Variants in LAMA1 observed in about 807,000 individuals in gnomAD.
The protein encoded by LAMA1 is laminin subunit alpha 1.
In LAMA1, 219 loss-of-function variants were observed where a neutral mutation model predicts 348.7. The ratio of observed to expected loss-of-function variants is 0.63; its 90% CI spans 0.56 to 0.70. The LOEUF is 0.70. LAMA1 is among the 30% of genes least tolerant of loss of function. The pLI is 0.00. For missense variants in LAMA1, 3,744 were observed against 3,888.0 expected (o/e 0.96, Z 0.99); for synonymous variants, 1,487 against 1,491.0 (o/e 1.00, Z 0.06).
chr18:7,042,123 C>T, intron 9 of LAMA1, 22 bp downstream of exon 9: 1 of 1,523,388 alleles, frequency 6.6e-7, no homozygotes, highest in Non-Finnish European at 9.1e-7. Flanking sequence ...ATTACAAGCA[C>T]AAAAGTGAAT....
In LAMA1 at chr18:7,038,953, G is replaced by T. The variant is rs767089378; in HGVS notation, c.1423-3C>A. ...CAGGCCTTCCCCTCAACGTTTTCCT[G>T]TAAGTTAGGGTAAAAGATTAGCTTT... On this transcript the variant is annotated splice_polypyrimidine_tract_variant and splice_region_variant and intron_variant, in intron 10 of 62. Coordinates refer to ENST00000389658, the MANE Select transcript of LAMA1 (RefSeq NM_005559.4). 1 of 1,611,242 alleles carries T rather than the reference G, an allele frequency of 6.2e-7. No homozygotes were observed. Among genetic ancestry groups the T allele is most frequent in the Non-Finnish European group, 8.5e-7 (1 of 1,177,474 alleles).
chr18:7,011,499 GA>G lies in LAMA1; in HGVS notation c.3508-21del. 6.3e-7 allele frequency: 1 copy of G among 1,588,622 alleles called. No individual in the cohort carries two copies. The highest frequency in any genetic ancestry group is 1.3e-5 in the African/African-American group (1 of 74,836). On this transcript the variant is annotated intron_variant, in intron 24 of 62. Coordinates refer to ENST00000389658, the MANE Select transcript of LAMA1 (RefSeq NM_005559.4). ...CGTTACCTAAACCACGAAAGGAGGG[GA>G]AAGTGCACTTCAAAATGCGAACTTT...
chr18:7,011,190 TTAA>T (rs955072521), intron 25 of LAMA1, 107 bp downstream of exon 25: 15 of 1,236,282 alleles, frequency 1.2e-5, no homozygotes, highest in Non-Finnish European at 1.7e-5. Flanking sequence ...AAAGAGGAAA[TTAA>T]TAACTACTTC....
At chr18:7,031,209 C>A (rs961086860) in intron 16 of LAMA1, among the ~76,000 whole-genome samples, 2 of 152,086 alleles carry the variant, frequency 1.3e-5, no homozygotes, top group Non-Finnish European at 1.5e-5. Context: ...CCCTGCCAGG[C>A]GACCAGGGTA....
At chr18:6,961,491 G>T (rs1404505557) in intron 53 of LAMA1, 95 bp downstream of exon 53, 1 of 1,436,766 alleles carries the variant, frequency 7.0e-7, no homozygotes, top group East Asian at 2.4e-5. Context: ...CAGGAACACG[G>T]TGACAATAAA....
rs1054468072 is a variant in LAMA1 at position 7,002,522 on chromosome 18, T to C, written c.4261-137A>G. 6.3e-6 allele frequency: 6 copies of C among 951,900 alleles called. No homozygotes were observed. In the African/African-American group the frequency reaches 6.4e-5, roughly 10 times the overall value. The allele number at this position is 951,900 out of a possible 1,614,324, so 59.0% of individuals were successfully genotyped here. The stretch of plus-strand genomic sequence containing the variant: ...TATTCTTCAGGAAAGGGGAGCATTT[T>C]CCTCCATATTCTTAAAATCCTGAAA... On this transcript the variant is annotated intron_variant, in intron 29 of 62. Coordinates refer to ENST00000389658, the MANE Select transcript of LAMA1 (RefSeq NM_005559.4).
In LAMA1 at chr18:7,023,177, GGCTGTCACA is replaced by G. The variant is rs1459359711; in HGVS notation, c.2679_2687del (p.Val894_Ala896del). ...TCACGCACTCACCGCGGCAGTTCTT[GGCTGTCACA>G]GCGTCCCCATAGAACCCGTCAGCAC... On this transcript the variant is annotated inframe_deletion, in exon 19 of 63. Transcript: ENST00000389658. 3.7e-6 allele frequency: 6 copies of G among 1,612,496 alleles called. No individual in the cohort carries two copies. The East Asian group carries it at 1.3e-4, about 36-fold the overall frequency.
intron 3 of LAMA1, among the ~76,000 whole-genome samples, chr18:7,054,096 C>T (rs1440872900): frequency 6.6e-6 from 1 of 152,072 alleles, no homozygotes; most frequent in African/African-American, 2.4e-5. Context: ...TACATTGATT[C>T]AAGCTCCCCC....
Position 7,037,533 on chromosome 18 carries a change from T to A in LAMA1, c.1737+45A>T, listed in dbSNP as rs200355100. On this transcript the variant is annotated intron_variant, in intron 12 of 62. Transcript: ENST00000389658. ...GCGCAAGTTCTTTCTCAGTGTTCCCTGAGATCTTCATCTGAGACATCGCTA... is the reference window on the plus strand; with the variant it reads ...GCGCAAGTTCTTTCTCAGTGTTCCCAGAGATCTTCATCTGAGACATCGCTA... The A allele has an allele frequency of 1.2e-5, 20 of 1,607,100 alleles. No individual in the cohort carries two copies. The African/African-American group carries it at 2.5e-4, about 20-fold the overall frequency.
chr18:6,958,695 C>T, intron 54 of LAMA1, 33 bp from the exon 55 acceptor site: 5 of 1,541,922 alleles, frequency 3.2e-6, no homozygotes, highest in Non-Finnish European at 4.5e-6. Context: ...AAATGAAAAG[C>T]TTTAAACATA....
intron 1 of LAMA1, among the ~76,000 whole-genome samples, chr18:7,096,763 C>T (rs528739733): frequency 2.6e-4 from 39 of 152,036 alleles, no homozygotes; most frequent in Non-Finnish European, 3.5e-4. Flanking sequence ...CTCTCCCACC[C>T]AAAAAAATTA....
At chr18:7,038,014 T>G (rs1217816239) in intron 11 of LAMA1, among the ~76,000 whole-genome samples, 1 of 152,144 alleles carries the variant, frequency 6.6e-6, no homozygotes, top group Non-Finnish European at 1.5e-5. Context: ...ATAAAGGCCA[T>G]GGGTATAGAT....
intron 36 of LAMA1, among the ~76,000 whole-genome samples, chr18:6,988,180 A>G (rs1286005989): frequency 1.3e-5 from 2 of 152,220 alleles, no homozygotes; most frequent in African/African-American, 4.8e-5. Context: ...TCTTCTATCT[A>G]AACTACAATC....
intron 36 of LAMA1, among the ~76,000 whole-genome samples, chr18:6,988,313 T>C (rs2057744202): frequency 6.6e-6 from 1 of 152,230 alleles, no homozygotes; most frequent in Admixed American, 6.5e-5. Flanking sequence ...TCAAACTATG[T>C]TCCTCTACAA....
At chr18:7,070,160 G>A (rs934361259) in intron 3 of LAMA1, among the ~76,000 whole-genome samples, 1 of 152,164 alleles carries the variant, frequency 6.6e-6, no homozygotes, top group Non-Finnish European at 1.5e-5. Flanking sequence ...TCATAATGAT[G>A]AGCTTAAGAT....
chr18:7,085,467 G>A (rs1180411145), intron 1 of LAMA1, among the ~76,000 whole-genome samples: 10 of 121,836 alleles, frequency 8.2e-5, no homozygotes, highest in African/African-American at 1.9e-4. Context: ...CGCCCAGGCT[G>A]TAGTGCAGTG....
At chr18:6,964,512 A>T (rs1320650863) in intron 51 of LAMA1, 150 bp downstream of exon 51, 7 of 910,468 alleles carry the variant, frequency 7.7e-6, no homozygotes, top group Non-Finnish European at 1.1e-5. Context: ...CCCTGCCAAC[A>T]CCTTGCTTTT....
At chr18:7,067,470 GA>G (rs11290664) in intron 3 of LAMA1, among the ~76,000 whole-genome samples, 62,854 of 142,608 alleles carry the variant, frequency 0.44, 13,757 homozygotes, top group African/African-American at 0.56. Flanking sequence ...CTTCCAAAGT[GA>G]AAAAAAAAAA....
intron 6 of LAMA1, among the ~76,000 whole-genome samples, chr18:7,045,188 A>T (rs1426498509): frequency 6.6e-6 from 1 of 152,206 alleles, no homozygotes; most frequent in Non-Finnish European, 1.5e-5. Flanking sequence ...GAATAGTCCT[A>T]TTCAAGAGGT....
Sources: allele counts gnomAD v4.1 joint callset (sites outside exome capture counted in the v4.1 genomes callset), GRCh38; gene constraint gnomAD v4.1.1; transcripts MANE v1.5; gene names NCBI Gene and HGNC (gene_info 2026-07-23, HGNC 2026-07-21).